The following KCNIP4 variants were observed in gnomAD, a reference collection of about 807,000 sequenced individuals.
KCNIP4 encodes the protein Kv channel-interacting protein 4.
In KCNIP4, 12 loss-of-function variants were observed where a neutral mutation model predicts 34.0. The observed-to-expected ratio is 0.35, with a 90% CI of 0.23 to 0.57. KCNIP4 has a LOEUF of 0.57. Ranked by LOEUF, KCNIP4 falls within the 20% of genes least tolerant of loss-of-function variation. KCNIP4 has a pLI of 0.83. For synonymous variants in KCNIP4, 124 were observed against 102.2 expected (o/e 1.21, Z -1.29); for missense variants, 238 against 311.7 (o/e 0.76, Z 1.78).
At chr4:20,968,632 A>G (rs190052509) in intron 1 of KCNIP4, among the ~76,000 whole-genome samples, 2,592 of 152,210 alleles carry the variant, frequency 0.017, 70 homozygotes, top group African/African-American at 0.054. Context: ...TTGCAGGGAC[A>G]TGGATGAAGC....
At chr4:21,623,947 C>T (rs1272020412) in intron 1 of KCNIP4, among the ~76,000 whole-genome samples, 2 of 152,100 alleles carry the variant, frequency 1.3e-5, no homozygotes. Flanking sequence ...CCTTTCTGCT[C>T]CATCCCAGTG....
At chr4:20,931,427 ACTTAC>A (rs1730459435) in intron 1 of KCNIP4, among the ~76,000 whole-genome samples, 4 of 152,144 alleles carry the variant, frequency 2.6e-5, no homozygotes, top group Non-Finnish European at 5.9e-5. Context: ...CACAGAGTGG[ACTTAC>A]ACAAGCCGAA....
At chr4:21,252,562 C>G (rs190904508) in intron 1 of KCNIP4, among the ~76,000 whole-genome samples, 3 of 152,080 alleles carry the variant, frequency 2.0e-5, no homozygotes, top group Non-Finnish European at 2.9e-5. Context: ...GGGCAGCACA[C>G]GAAGACCTGA....
At chr4:21,792,793 G>A (rs1029308456) in intron 1 of KCNIP4, among the ~76,000 whole-genome samples, 2 of 152,216 alleles carry the variant, frequency 1.3e-5, no homozygotes, top group African/African-American at 2.4e-5. Context: ...ATTGTGAAGG[G>A]TTATGACTTA....
intron 3 of KCNIP4, among the ~76,000 whole-genome samples, chr4:20,789,156 G>C (rs1371268859): frequency 6.6e-6 from 1 of 152,086 alleles, no homozygotes; most frequent in Non-Finnish European, 1.5e-5. Flanking sequence ...AAGAAAAGGA[G>C]CTTCCCATAA....
At chr4:21,727,091 T>C (rs1827592) in intron 1 of KCNIP4, among the ~76,000 whole-genome samples, 43,195 of 152,012 alleles carry the variant, frequency 0.28, 7,330 homozygotes, top group East Asian at 0.67. Flanking sequence ...AGTGGTCACA[T>C]GTGCCATGTA....
intron 1 of KCNIP4, among the ~76,000 whole-genome samples, chr4:21,915,965 T>C (rs988068104): frequency 6.6e-6 from 1 of 152,218 alleles, no homozygotes; most frequent in South Asian, 2.1e-4. Flanking sequence ...ATTAGACTGC[T>C]GCCCACAGCA....
At chr4:20,933,445 T>C (rs1360038048) in intron 1 of KCNIP4, among the ~76,000 whole-genome samples, 4 of 152,174 alleles carry the variant, frequency 2.6e-5, no homozygotes, top group African/African-American at 7.2e-5. Context: ...TGGAAATCCA[T>C]AGAGTAGCAC....
chr4:21,705,564 G>A (rs1212391383), intron 1 of KCNIP4, among the ~76,000 whole-genome samples: 1 of 152,090 alleles, frequency 6.6e-6, no homozygotes, highest in African/African-American at 2.4e-5. Flanking sequence ...GTGTCTCATG[G>A]AGCTTATAAT....
Position 21,790,969 on chromosome 4 carries a change from CAAAAAAAA to C in KCNIP4, c.61+157594_61+157601del, listed in dbSNP as rs10560597. Among the ~76,000 whole-genome samples the C allele has an allele frequency of 3.7e-4, 33 of 89,668 alleles. 1 individual carries two copies. Among genetic ancestry groups the C allele is most frequent in the African/African-American group, 6.7e-4 (20 of 29,648 alleles). The allele number at this position is 89,668 out of a possible 152,430, so 58.8% of individuals were successfully genotyped here. A position where few individuals can be genotyped will look rare whatever the true frequency, so the allele number is the denominator to read the frequency against. ...CTCCTTTATTTGCCTGCGCACTCCA[CAAAAAAAA>C]AAAAAAAAAAAAAAAAAAGTTATAT... On this transcript the variant is annotated intron_variant, in intron 1 of 8. Transcript: ENST00000382152.
At chr4:21,074,445 C>G (rs1358432213) in intron 1 of KCNIP4, among the ~76,000 whole-genome samples, 1 of 152,172 alleles carries the variant, frequency 6.6e-6, no homozygotes, top group Non-Finnish European at 1.5e-5. Flanking sequence ...ATAGTATTCT[C>G]TGATGGTAGT....
chr4:21,635,508 C>T (rs567103605), intron 1 of KCNIP4, among the ~76,000 whole-genome samples: 1 of 152,118 alleles, frequency 6.6e-6, no homozygotes, highest in Non-Finnish European at 1.5e-5. Context: ...CAAAAGAAGA[C>T]ATTTATGCAG....
intron 1 of KCNIP4, among the ~76,000 whole-genome samples, chr4:20,997,416 G>A (rs1247311626): frequency 6.6e-6 from 1 of 152,160 alleles, no homozygotes; most frequent in Non-Finnish European, 1.5e-5. Context: ...GAGGACAGGA[G>A]GTATCAAAGG....
At position 21,255,234 on chromosome 4, in the gene KCNIP4, T is replaced by A. The variant is rs537691775; in HGVS notation, c.62-372525A>T. ...AAGCTCATGCCCCCATCCTTGACTC[T>A]CTCCCTCTCCATGAGGTCTAATATG... On this transcript the variant is annotated intron_variant, in intron 1 of 8. Transcript: ENST00000382152. 1.4e-3 allele frequency among the ~76,000 whole-genome samples: 215 copies of A among 152,162 alleles called. 1 individual carries two copies. Among genetic ancestry groups the A allele is most frequent in the Non-Finnish European group, 2.3e-3 (156 of 68,006 alleles).
rs574862650 is a variant in KCNIP4, at chr4:21,115,850, G to T, written c.62-233141C>A. On this transcript the variant is annotated intron_variant, in intron 1 of 8. Transcript: ENST00000382152. ...TATTAAAACCTTAACATGATAAATA[G>T]ATATTTGATATTATTTGTCCAATAA... 3.3e-5 allele frequency among the ~76,000 whole-genome samples: 5 copies of T among 152,280 alleles called. No homozygotes were observed. The South Asian group carries it at 6.2e-4, about 19-fold the overall frequency.
chr4:21,185,917 A>T (rs1483960688), intron 1 of KCNIP4, among the ~76,000 whole-genome samples: 1 of 152,124 alleles, frequency 6.6e-6, no homozygotes, highest in Non-Finnish European at 1.5e-5. Context: ...AAACTGCTTT[A>T]TTTCTGACCC....
chr4:21,868,784 G>A (rs1056219933), intron 1 of KCNIP4, among the ~76,000 whole-genome samples: 2 of 152,142 alleles, frequency 1.3e-5, no homozygotes. Context: ...AAGGCAGGTG[G>A]TATAGACCAT....
intron 1 of KCNIP4, among the ~76,000 whole-genome samples, chr4:21,414,530 C>A (rs1724781264): frequency 6.6e-6 from 1 of 152,068 alleles, no homozygotes; most frequent in Admixed American, 6.6e-5. Flanking sequence ...TATGGAAGAA[C>A]CACCAAAAAT....
intron 1 of KCNIP4, among the ~76,000 whole-genome samples, chr4:21,250,298 G>C (rs987442964): frequency 1.3e-5 from 2 of 151,074 alleles, no homozygotes; most frequent in Non-Finnish European, 2.9e-5. Context: ...AAATTCTCCA[G>C]ACTTGGAAAG....
Sources: gnomAD v4.1 joint callset for allele counts (sites outside exome capture counted in the v4.1 genomes callset) on GRCh38, gnomAD v4.1.1 for gene constraint, MANE v1.5 for transcripts, NCBI Gene and HGNC (gene_info 2026-07-23, HGNC 2026-07-21) for gene names.